HMGB1: variants seen among roughly 807,000 people sequenced by gnomAD.
The protein encoded by HMGB1 is high mobility group protein B1.
For missense variants in HMGB1, 79 were observed against 253.5 expected (o/e 0.31, Z 4.67); for synonymous variants, 81 against 84.0 (o/e 0.96, Z 0.19).
At chr13:30,529,231 C>G (rs758620588) in intron 1 of HMGB1, among the ~76,000 whole-genome samples, 11 of 152,180 alleles carry the variant, frequency 7.2e-5, no homozygotes, top group South Asian at 2.1e-4. Context: ...TGCACAGTCT[C>G]TCTGCGTGCC....
chr13:30,503,707 G>A (rs1887790242), intron 1 of HMGB1, among the ~76,000 whole-genome samples: 1 of 142,754 alleles, frequency 7.0e-6, no homozygotes, highest in Non-Finnish European at 1.5e-5. Context: ...GTGCTGCACA[G>A]GTCAACAAGA....
rs530764366 is a variant in HMGB1, at chr13:30,536,775, G to C, written c.-14-73081C>G. Among the ~76,000 whole-genome samples, 19 of 151,698 alleles carry C rather than the reference G, an allele frequency of 1.3e-4. No homozygotes were observed. The South Asian group carries it at 3.8e-3, about 30-fold the overall frequency. On this transcript the variant is annotated intron_variant, in intron 1 of 4. Transcript: ENST00000405805. ...CCGGTAGCTAGTAATTATCTTTTTT[G>C]TTTCCATTTGCTTAGCTTTCTAGGT...
At chr13:30,560,671 G>A (rs1177327694) in intron 1 of HMGB1, among the ~76,000 whole-genome samples, 4 of 152,170 alleles carry the variant, frequency 2.6e-5, no homozygotes, top group Non-Finnish European at 5.9e-5. Context: ...GCTTAAAGAG[G>A]TAGGAGCATA....
chr13:30,547,624 A>ATT lies in HMGB1; in HGVS notation c.-15+69045_-15+69046dup, dbSNP rs59336080. 2.0e-5 allele frequency among the ~76,000 whole-genome samples: 3 copies of ATT among 146,996 alleles called. No homozygotes were observed. In the Middle Eastern group the frequency reaches 0.011, roughly 521 times the overall value. On this transcript the variant is annotated intron_variant, in intron 1 of 4. Transcript: ENST00000405805. ...AGAGTCCTTACAAACAGGACTTTAG[A>ATT]TTTTTTTTTTTTTTAATACAAAGAT...
chr13:30,494,916 T>A (rs533926111), intron 1 of HMGB1, among the ~76,000 whole-genome samples: 1 of 152,164 alleles, frequency 6.6e-6, no homozygotes, highest in Non-Finnish European at 1.5e-5. Flanking sequence ...ATAAGAGAAA[T>A]CATGCAGTAT....
chr13:30,600,260 G>A (rs1360889058), intron 1 of HMGB1, among the ~76,000 whole-genome samples: 1 of 152,166 alleles, frequency 6.6e-6, no homozygotes, highest in African/African-American at 2.4e-5. Context: ...TAACACCTTA[G>A]GGTAGAACAG....
Position 30,464,665 on chromosome 13 carries a change from G to C in HMGB1, c.-14-971C>G, listed in dbSNP as rs1222288899. The C allele has an allele frequency of 7.1e-6, 7 of 982,162 alleles. No individual in the cohort carries two copies. The East Asian group carries it at 5.7e-4, about 80-fold the overall frequency. The allele number at this position is 982,162 out of a possible 1,614,324, so 60.8% of individuals were successfully genotyped here. On this transcript the variant is annotated intron_variant, in intron 1 of 4. Transcript: ENST00000341423. The stretch of plus-strand genomic sequence containing the variant: ...GGGGCTGGCTCCGCCCGCGGCCGCC[G>C]GGGCCGGCGCGCACGGAATGGCCGC...
intron 1 of HMGB1, chr13:30,554,064 C>T: frequency 7.3e-7 from 1 of 1,364,042 alleles, no homozygotes; most frequent in Non-Finnish European, 1.0e-6. Context: ...AACAGATGAC[C>T]AAAAGATGCT....
At chr13:30,501,659 A>G (rs1398965514) in intron 1 of HMGB1, among the ~76,000 whole-genome samples, 1 of 152,242 alleles carries the variant, frequency 6.6e-6, no homozygotes, top group Non-Finnish European at 1.5e-5. Flanking sequence ...AACCACATTT[A>G]AACACTAATA....
chr13:30,572,470 T>C (rs1870476545), intron 1 of HMGB1, among the ~76,000 whole-genome samples: 1 of 152,236 alleles, frequency 6.6e-6, no homozygotes, highest in South Asian at 2.1e-4. Context: ...AAGGCAAATT[T>C]AGAATTCAAG....
intron 1 of HMGB1, chr13:30,553,601 G>A: frequency 1.7e-6 from 1 of 583,992 alleles, no homozygotes; most frequent in Non-Finnish European, 3.1e-6. Flanking sequence ...AAACCACATT[G>A]AGTGTCTGTC....
chr13:30,538,494 CTTTCTTT>C (rs1172362842), intron 1 of HMGB1, among the ~76,000 whole-genome samples: 3 of 66,782 alleles, frequency 4.5e-5, no homozygotes, highest in Non-Finnish European at 9.5e-5. Flanking sequence ...TTCTTTCTTT[CTTTCTTT>C]CTTTCTTTCC....
intron 1 of HMGB1, among the ~76,000 whole-genome samples, chr13:30,494,607 C>T (rs60247847): frequency 0.038 from 5,860 of 152,268 alleles, 360 homozygotes; most frequent in African/African-American, 0.13. Flanking sequence ...GTGATCCGCC[C>T]GCCTTGGCCT....
intron 1 of HMGB1, among the ~76,000 whole-genome samples, chr13:30,546,776 T>C (rs892192763): frequency 1.3e-5 from 2 of 152,236 alleles, no homozygotes; most frequent in African/African-American, 4.8e-5. Flanking sequence ...TAAGCCACCA[T>C]GCCCAGTCCA....
At chr13:30,546,455 AC>A (rs758132895) in intron 1 of HMGB1, among the ~76,000 whole-genome samples, 25 of 152,176 alleles carry the variant, frequency 1.6e-4, no homozygotes, top group Admixed American at 1.3e-3. Flanking sequence ...TTTCCTAACT[AC>A]ACTGTTGAGG....
At chr13:30,521,395 C>G in intron 1 of HMGB1, among the ~76,000 whole-genome samples, 1 of 152,132 alleles carries the variant, frequency 6.6e-6, no homozygotes, top group East Asian at 1.9e-4. Flanking sequence ...ACTCCAAGCC[C>G]CTGGCCACCA....
At chr13:30,464,589 G>GCCGCCC (rs1886601756) in intron 1 of HMGB1, 1 of 984,062 alleles carries the variant, frequency 1.0e-6, no homozygotes, top group Non-Finnish European at 1.2e-6. Context: ...CCGCGCCGCC[G>GCCGCCC]CCGCCCCCAT....
At chr13:30,552,338 C>T (rs1378762076) in intron 1 of HMGB1, among the ~76,000 whole-genome samples, 2 of 152,132 alleles carry the variant, frequency 1.3e-5, no homozygotes, top group Non-Finnish European at 2.9e-5. Flanking sequence ...AAAAATAGGA[C>T]ACTCTCTTAC....
intron 1 of HMGB1, among the ~76,000 whole-genome samples, chr13:30,503,502 G>A (rs1887782868): frequency 6.6e-6 from 1 of 152,002 alleles, no homozygotes; most frequent in African/African-American, 2.4e-5. Context: ...ATTATAGTCT[G>A]TATACTGTAT....
Sources: allele counts gnomAD v4.1 joint callset (sites outside exome capture counted in the v4.1 genomes callset), GRCh38; gene constraint gnomAD v4.1.1; transcripts MANE v1.5; gene names NCBI Gene and HGNC (gene_info 2026-07-23, HGNC 2026-07-21).